Variants in SIPA1L3 observed in about 807,000 individuals in gnomAD.
The protein encoded by SIPA1L3 is signal-induced proliferation-associated 1-like protein 3.
SIPA1L3 carries 59 observed loss-of-function variants against 150.1 expected under a neutral mutation model. The ratio of observed to expected loss-of-function variants is 0.39; its 90% confidence interval spans 0.32 to 0.49. SIPA1L3 has a LOEUF of 0.49. SIPA1L3 is among the 20% of genes least tolerant of loss of function. SIPA1L3 has a pLI of 0.86. For missense variants in SIPA1L3, 2,211 were observed against 2,489.5 expected (o/e 0.89, Z 2.38); for synonymous variants, 1,070 against 1,077.6 (o/e 0.99, Z 0.14).
intron 8 of SIPA1L3, among the ~76,000 whole-genome samples, chr19:38,111,156 C>G (rs1970729540): frequency 6.6e-6 from 1 of 151,802 alleles, no homozygotes; most frequent in Admixed American, 6.6e-5. Context: ...TCCTGAGTAG[C>G]TGGAACTACA....
intron 1 of SIPA1L3, among the ~76,000 whole-genome samples, chr19:37,956,200 C>T (rs1284892480): frequency 1.3e-5 from 2 of 152,210 alleles, no homozygotes; most frequent in Non-Finnish European, 2.9e-5. Context: ...TTGTTACAGC[C>T]ATCCTGGTGG....
chr19:38,206,947 C>T lies in SIPA1L3; in HGVS notation c.*707C>T, dbSNP rs995859183. 1 of 152,468 alleles carries T rather than the reference C, an allele frequency of 6.6e-6. No homozygotes were observed. Among genetic ancestry groups the T allele is most frequent in the Admixed American group, 6.5e-5 (1 of 15,272 alleles). 9.4% of individuals were successfully genotyped at this position (152,468 alleles called of 1,614,324 possible). A position where few individuals can be genotyped will look rare whatever the true frequency, so the allele number is the denominator to read the frequency against. The stretch of plus-strand genomic sequence containing the variant: ...TGAGAGAGAAACTCTATTTGGATCT[C>T]CAGGACGGTTTATACGATCTTTTTC... On this transcript the variant is annotated 3_prime_UTR_variant, in exon 22 of 22. Transcript: ENST00000222345.
rs973297010 is a variant in SIPA1L3, at chr19:38,073,560, C to T, written c.-310-7696C>T. ...CCAGCTGCCCTCCTTCACACAGCAC[C>T]GTGTGTCACTCGGGGTCCTCTGATG... On this transcript the variant is annotated intron_variant, in intron 2 of 21. Coordinates refer to ENST00000222345, the MANE Select transcript of SIPA1L3 (RefSeq NM_015073.3). 3.9e-5 allele frequency among the ~76,000 whole-genome samples: 6 copies of T among 152,290 alleles called. No individual in the cohort carries two copies. In the East Asian group the frequency reaches 9.7e-4, roughly 25 times the overall value.
chr19:38,195,783 A>C (rs1208543397), intron 18 of SIPA1L3, among the ~76,000 whole-genome samples: 129 of 57,672 alleles, frequency 2.2e-3, no homozygotes, highest in South Asian at 6.0e-3. Context: ...AGGCACCACC[A>C]CAGGCCCCGT....
intron 8 of SIPA1L3, 58 bp downstream of exon 8, chr19:38,110,442 C>T (rs1970713354): frequency 2.6e-6 from 4 of 1,533,478 alleles, no homozygotes; most frequent in Middle Eastern, 1.7e-4. Context: ...GGCAGCTGGC[C>T]CAAGTGGGTC....
At chr19:38,154,432 G>T (rs1398095604) in intron 13 of SIPA1L3, among the ~76,000 whole-genome samples, 9 of 151,974 alleles carry the variant, frequency 5.9e-5, no homozygotes, top group South Asian at 4.2e-4. Context: ...TTTTTAAGTT[G>T]ATTTTATTTT....
intron 9 of SIPA1L3, among the ~76,000 whole-genome samples, chr19:38,126,123 G>A (rs1600106009): frequency 6.6e-6 from 1 of 152,024 alleles, no homozygotes; most frequent in Admixed American, 6.6e-5. Flanking sequence ...GCAGTGAGCC[G>A]AGATTGCACC....
intron 2 of SIPA1L3, among the ~76,000 whole-genome samples, chr19:38,051,084 G>A (rs1376027644): frequency 2.0e-5 from 3 of 152,106 alleles, no homozygotes; most frequent in African/African-American, 7.2e-5. Context: ...TATATGTAAA[G>A]TGTTTAGAGC....
chr19:38,078,920 A>G (rs533847105), intron 2 of SIPA1L3, among the ~76,000 whole-genome samples: 4 of 152,180 alleles, frequency 2.6e-5, no homozygotes, highest in Non-Finnish European at 5.9e-5. Flanking sequence ...GTGACCCCGC[A>G]GGGTGTTTTA....
At position 38,081,670 on chromosome 19, in the gene SIPA1L3, T is replaced by A. The variant is rs1812521658; in HGVS notation, c.105T>A (p.Ala35=). 6.2e-7 allele frequency: 1 copy of A among 1,612,056 alleles called. No individual in the cohort carries two copies. ...CTGGGCCACACACAGGGGACTACGCTCCCTTGGGATTCTGGGCCCAGAATG... is the reference window on the plus strand; with the variant it reads ...CTGGGCCACACACAGGGGACTACGCACCCTTGGGATTCTGGGCCCAGAATG... The part of the protein sequence containing the change: ...VLPGPHTGDY[A]PLGFWAQNGS... The change falls in exon 3 of 22, where the codon GCT becomes GCA. Residue 35 remains alanine, a synonymous_variant. Coordinates refer to ENST00000222345, the MANE Select transcript of SIPA1L3 (RefSeq NM_015073.3).
intron 1 of SIPA1L3, among the ~76,000 whole-genome samples, chr19:37,997,949 G>A (rs984931374): frequency 6.6e-6 from 1 of 152,052 alleles, no homozygotes; most frequent in African/African-American, 2.4e-5. Flanking sequence ...TTGGTAGAAG[G>A]CCCCAAATGG....
intron 2 of SIPA1L3, among the ~76,000 whole-genome samples, chr19:38,077,320 G>A (rs143879024): frequency 4.0e-4 from 61 of 152,102 alleles, no homozygotes; most frequent in African/African-American, 1.4e-3. Context: ...GCATGGTGAC[G>A]TGCATCTGTA....
At chr19:38,065,189 G>T (rs559106955) in intron 2 of SIPA1L3, among the ~76,000 whole-genome samples, 2 of 152,292 alleles carry the variant, frequency 1.3e-5, no homozygotes, top group African/African-American at 4.8e-5. Flanking sequence ...AACACAAGGT[G>T]GGGTGCACTG....
chr19:38,183,612 GA>G (rs1171683580), intron 16 of SIPA1L3, among the ~76,000 whole-genome samples: 1 of 152,210 alleles, frequency 6.6e-6, no homozygotes, highest in East Asian at 1.9e-4. Flanking sequence ...GGGGGCCCTT[GA>G]GTAAGGAATC....
chr19:38,028,476 G>GCCTT, intron 1 of SIPA1L3, among the ~76,000 whole-genome samples: 1 of 152,026 alleles, frequency 6.6e-6, no homozygotes, highest in Non-Finnish European at 1.5e-5. Context: ...CGTCCGGGAG[G>GCCTT]CCTTCCCCGA....
chr19:38,202,949 A>G (rs994216099), intron 20 of SIPA1L3, among the ~76,000 whole-genome samples: 1 of 152,228 alleles, frequency 6.6e-6, no homozygotes, highest in Non-Finnish European at 1.5e-5. Flanking sequence ...AAACAAAATT[A>G]AAAAGAGGCA....
intron 18 of SIPA1L3, among the ~76,000 whole-genome samples, chr19:38,197,197 G>A (rs1972977886): frequency 1.3e-5 from 2 of 152,094 alleles, no homozygotes; most frequent in Non-Finnish European, 2.9e-5. Flanking sequence ...GAGGTGCCGG[G>A]AATGCAGAGC....
chr19:38,074,510 C>A (rs781502499), intron 2 of SIPA1L3, among the ~76,000 whole-genome samples: 1 of 152,226 alleles, frequency 6.6e-6, no homozygotes, highest in Non-Finnish European at 1.5e-5. Flanking sequence ...GGACAGGCAG[C>A]GCCCTCAGGC....
chr19:38,194,462 C>T (rs955816720), intron 18 of SIPA1L3, among the ~76,000 whole-genome samples: 22 of 152,124 alleles, frequency 1.4e-4, no homozygotes, highest in Non-Finnish European at 5.9e-5. Context: ...GTTTAGGGTC[C>T]ATAGTCCCCC....
Sources: gnomAD v4.1 joint callset for allele counts (sites outside exome capture counted in the v4.1 genomes callset) on GRCh38, gnomAD v4.1.1 for gene constraint, MANE v1.5 for transcripts, NCBI Gene and HGNC (gene_info 2026-07-23, HGNC 2026-07-21) for gene names.